Variants in SLMAP observed in about 807,000 individuals in gnomAD.
SLMAP encodes the protein sarcolemma associated protein.
Under a neutral mutation model 128.8 loss-of-function variants are expected in SLMAP, and 44 were observed. The observed-to-expected ratio is 0.34, with a 90% CI of 0.27 to 0.44. SLMAP has a LOEUF of 0.44. SLMAP is among the 20% of genes least tolerant of loss of function. The pLI, the probability that SLMAP is intolerant of heterozygous loss-of-function variation, is 1.00. For missense variants in SLMAP, 787 were observed against 985.3 expected (o/e 0.80, Z 2.69); for synonymous variants, 327 against 348.8 (o/e 0.94, Z 0.70).
At chr3:57,925,990 A>G (rs1337078346) in intron 24 of SLMAP, 56 bp downstream of exon 24, 3 of 1,234,412 alleles carry the variant, frequency 2.4e-6, no homozygotes, top group Non-Finnish European at 2.3e-6. Context: ...TTTTTGTGCC[A>G]TATTTGTAAT....
At chr3:57,812,271 A>G (rs1397977116) in intron 2 of SLMAP, among the ~76,000 whole-genome samples, 1 of 152,032 alleles carries the variant, frequency 6.6e-6, no homozygotes, top group Non-Finnish European at 1.5e-5. Context: ...TTAGGCTCCA[A>G]CTTCATTGTT....
At chr3:57,816,166 C>T (rs547665065) in intron 2 of SLMAP, among the ~76,000 whole-genome samples, 6 of 150,850 alleles carry the variant, frequency 4.0e-5, no homozygotes, top group South Asian at 2.1e-4. Context: ...TGTTTTGAGA[C>T]GGAGTCTTAC....
Position 57,907,978 on chromosome 3 carries a change from A to C in SLMAP, c.1596A>C (p.Thr532=). 1 of 1,613,864 alleles carries C rather than the reference A, an allele frequency of 6.2e-7. No homozygotes were observed. ...ELIEAQELAR[T]SKQKCFELQA... ...TCGAAGCCCAGGAGCTAGCTAGAAC[A>C]AGTAAACAAAAATGCTTTGAACTTC... The change falls in exon 18 of 25, where the codon ACA becomes ACC. Residue 532 remains threonine, a synonymous_variant. Coordinates refer to ENST00000671191, the MANE Select transcript of SLMAP (RefSeq NM_001377540.1).
At chr3:57,764,695 G>T (rs1034953523) in intron 2 of SLMAP, among the ~76,000 whole-genome samples, 17 of 152,112 alleles carry the variant, frequency 1.1e-4, no homozygotes, top group African/African-American at 3.1e-4. Context: ...TGAGGTGCTT[G>T]TTTTTTCTGC....
chr3:57,916,443 A>G (rs1039427684), intron 21 of SLMAP, among the ~76,000 whole-genome samples: 6 of 152,086 alleles, frequency 3.9e-5, no homozygotes, highest in Non-Finnish European at 4.4e-5. Flanking sequence ...TCTTTTCTCA[A>G]TTTGGTGTGT....
chr3:57,762,718 T>G (rs1576046226), intron 2 of SLMAP, among the ~76,000 whole-genome samples: 1 of 146,300 alleles, frequency 6.8e-6, no homozygotes, highest in Admixed American at 6.8e-5. Context: ...TGGTTTTTTT[T>G]TTTTTTTTTT....
chr3:57,900,869 A>G (rs1233739319), intron 17 of SLMAP: 1 of 152,232 alleles, frequency 6.6e-6, no homozygotes, highest in Non-Finnish European at 1.5e-5. Context: ...TAGTGATAGT[A>G]CATTTTTTAA....
chr3:57,819,305 T>C (rs2092275653), intron 2 of SLMAP, among the ~76,000 whole-genome samples: 1 of 152,224 alleles, frequency 6.6e-6, no homozygotes, highest in Admixed American at 6.5e-5. Context: ...ATATGCCAAC[T>C]TGAATGATTG....
chr3:57,819,088 G>A (rs1005318484), intron 2 of SLMAP, among the ~76,000 whole-genome samples: 9 of 152,150 alleles, frequency 5.9e-5, no homozygotes, highest in African/African-American at 2.2e-4. Flanking sequence ...TTCATAAATT[G>A]CATTGTTATT....
intron 14 of SLMAP, 110 bp from the exon 15 acceptor site, chr3:57,889,931 G>A (rs2096013107): frequency 1.4e-6 from 1 of 731,584 alleles, no homozygotes. Context: ...CTTGGTCATA[G>A]GAGTAATGTT....
At chr3:57,800,371 G>A (rs879855394) in intron 2 of SLMAP, 2 of 152,210 alleles carry the variant, frequency 1.3e-5, no homozygotes, top group South Asian at 2.1e-4. Flanking sequence ...TGTTGGCCAG[G>A]CTGGTCTCGA....
At chr3:57,841,997 T>G (rs2093958808) in intron 4 of SLMAP, among the ~76,000 whole-genome samples, 1 of 152,158 alleles carries the variant, frequency 6.6e-6, no homozygotes, top group South Asian at 2.1e-4. Flanking sequence ...TGAAGGGAGT[T>G]GAGCAATCTT....
rs2096492434 is a variant in SLMAP at position 57,905,022 on chromosome 3, G to A, written c.1502-2862G>A. On this transcript the variant is annotated intron_variant, in intron 17 of 24. Transcript: ENST00000671191. ...GTCAATTAAGGCTGCAGTGAACTGTGATGGCACAACTGCACTCTAGCCTGG... is the reference window on the plus strand; with the variant it reads ...GTCAATTAAGGCTGCAGTGAACTGTAATGGCACAACTGCACTCTAGCCTGG... Among the ~76,000 whole-genome samples the A allele has an allele frequency of 2.6e-5, 4 of 152,212 alleles. No homozygotes were observed. The South Asian group carries it at 8.3e-4, about 32-fold the overall frequency.
chr3:57,766,039 C>T (rs912683138), intron 2 of SLMAP, among the ~76,000 whole-genome samples: 1 of 147,836 alleles, frequency 6.8e-6, no homozygotes, highest in Non-Finnish European at 1.5e-5. Context: ...TGCTCTGTTG[C>T]CCAGGCTGGA....
In SLMAP at chr3:57,879,015, G is replaced by C. The variant is rs7636406; in HGVS notation, c.1300+7317G>C. Among the ~76,000 whole-genome samples the C allele has an allele frequency of 5.6e-3, 859 of 152,288 alleles. 4 individuals are homozygous for C. The highest frequency in any genetic ancestry group is 9.3e-3 in the Non-Finnish European group (634 of 68,038). On this transcript the variant is annotated intron_variant, in intron 14 of 24. Coordinates refer to ENST00000671191, the MANE Select transcript of SLMAP (RefSeq NM_001377540.1). ...GCTTTAGTTTCAATTAGTTGTAGCT[G>C]TCAAGTAAGGAAAATGGCTTTTTAG...
In SLMAP at chr3:57,757,488, C is replaced by A; in HGVS notation, c.-164C>A. 1.5e-6 allele frequency: 1 copy of A among 655,844 alleles called. No homozygotes were observed. The highest frequency in any genetic ancestry group is 2.6e-6 in the Non-Finnish European group (1 of 378,544). 40.6% of individuals were successfully genotyped at this position (655,844 alleles called of 1,614,324 possible). ...GGGCTTGCGCTGGCTTGTCTTCCCA[C>A]CCAAGTGAAGAGTTGATGTTCACTG... On this transcript the variant is annotated 5_prime_UTR_variant, in exon 2 of 25. Coordinates refer to ENST00000671191, the MANE Select transcript of SLMAP (RefSeq NM_001377540.1).
chr3:57,876,378 A>G (rs2095604330), intron 14 of SLMAP, among the ~76,000 whole-genome samples: 1 of 152,238 alleles, frequency 6.6e-6, no homozygotes, highest in African/African-American at 2.4e-5. Context: ...TTCTAAGAAA[A>G]ACTTTAAATT....
At chr3:57,757,955 A>T in intron 2 of SLMAP, 106 bp downstream of exon 2, 1 of 973,220 alleles carries the variant, frequency 1.0e-6, no homozygotes, top group Non-Finnish European at 1.6e-6. Flanking sequence ...TTGCATCCAG[A>T]GGAGGCTTTG....
chr3:57,807,633 A>G (rs1440628281), intron 2 of SLMAP, among the ~76,000 whole-genome samples: 1 of 152,216 alleles, frequency 6.6e-6, no homozygotes, highest in African/African-American at 2.4e-5. Flanking sequence ...CATCCCAGGG[A>G]TGAAGCCAAC....
Sources: gnomAD v4.1 joint callset for allele counts (sites outside exome capture counted in the v4.1 genomes callset) on GRCh38, gnomAD v4.1.1 for gene constraint, MANE v1.5 for transcripts, NCBI Gene and HGNC (gene_info 2026-07-23, HGNC 2026-07-21) for gene names.